The following NEIL2 variants were observed in gnomAD, a reference collection of about 807,000 sequenced individuals.
The protein encoded by NEIL2 is endonuclease 8-like 2.
Under a neutral mutation model 22.2 loss-of-function variants are expected in NEIL2, and 23 were observed. The ratio of observed to expected loss-of-function variants is 1.04; its 90% CI spans 0.75 to 1.47. The LOEUF (loss-of-function observed/expected upper bound fraction) is 1.47, where lower values mean the gene tolerates loss of function less well. Among genes scored for constraint, NEIL2 ranks in the 40% most tolerant of loss-of-function variants. The pLI is 0.00. For synonymous variants in NEIL2, 229 were observed against 164.8 expected (o/e 1.39, Z -2.99); for missense variants, 583 against 404.7 (o/e 1.44, Z -3.78).
At chr8:11,778,003 G>A (rs1427341526) in intron 2 of NEIL2, among the ~76,000 whole-genome samples, 1 of 152,206 alleles carries the variant, frequency 6.6e-6, no homozygotes, top group East Asian at 1.9e-4. Context: ...TTATTCATCT[G>A]TTTGCCCTTG....
chr8:11,770,393 G>A (rs747243002), intron 1 of NEIL2, 58 bp downstream of exon 1: 3 of 152,194 alleles, frequency 2.0e-5, no homozygotes, highest in Admixed American at 2.0e-4. Context: ...GATTCCCTGG[G>A]GAGTGTCTGG....
chr8:11,780,364 G>A (rs1804300339), intron 3 of NEIL2, among the ~76,000 whole-genome samples: 1 of 152,124 alleles, frequency 6.6e-6, no homozygotes, highest in Non-Finnish European at 1.5e-5. Flanking sequence ...CAGATCTTAA[G>A]TATTCAGCTT....
At chr8:11,785,501 A>C (rs8191660) in intron 4 of NEIL2, among the ~76,000 whole-genome samples, 1 of 152,204 alleles carries the variant, frequency 6.6e-6, no homozygotes, top group Admixed American at 6.5e-5. Flanking sequence ...ATTTTAAATA[A>C]TAACAACAGT....
Position 11,771,490 on chromosome 8 carries a change from TC to T in NEIL2, c.48del (p.Phe17LeufsTer42). ...GGTGAGGAAATTTCACCATTTGGTC[TC>T]CCCCTTTGTGGGTCAGCAGGTGGTC... ...PLVRKFHHLV[S>X]PFVGQQVVKT... On this transcript the variant is annotated frameshift_variant, in exon 2 of 5. Transcript: ENST00000284503. LOFTEE classifies it high-confidence loss of function. 1 of 1,613,996 alleles carries T rather than the reference TC, an allele frequency of 6.2e-7. No individual in the cohort carries two copies. Among genetic ancestry groups the T allele is most frequent in the Non-Finnish European group, 8.5e-7 (1 of 1,179,998 alleles).
At chr8:11,784,009 T>G (rs1304160804) in intron 4 of NEIL2, among the ~76,000 whole-genome samples, 3 of 152,142 alleles carry the variant, frequency 2.0e-5, no homozygotes, top group African/African-American at 7.2e-5. Flanking sequence ...ATATAACAGC[T>G]AATTAGCGGG....
At chr8:11,783,932 G>A (rs937121478) in intron 4 of NEIL2, among the ~76,000 whole-genome samples, 3 of 152,260 alleles carry the variant, frequency 2.0e-5, no homozygotes, top group Non-Finnish European at 4.4e-5. Context: ...CTCTATTGCA[G>A]TGGCGTGAGC....
chr8:11,773,318 G>C (rs1215513063), intron 2 of NEIL2, among the ~76,000 whole-genome samples: 8 of 152,238 alleles, frequency 5.3e-5, no homozygotes, highest in South Asian at 4.1e-4. Context: ...AGAAAACCAT[G>C]TTGCAGGGAA....
rs186757254 is a variant in NEIL2, at chr8:11,786,299, C to T, written c.*26C>T. 7,459 of 1,591,760 alleles carry T rather than the reference C, an allele frequency of 4.7e-3. 38 individuals are homozygous for T. The highest frequency in any genetic ancestry group is 9.6e-3 in the South Asian group (862 of 89,468). Reference sequence around the variant, plus strand: ...GGAGCTGGTGGTGCTCCTCACGGAACCTTGCCGCTTGGGGAACCTGACGTC... The same window carrying T: ...GGAGCTGGTGGTGCTCCTCACGGAATCTTGCCGCTTGGGGAACCTGACGTC... On this transcript the variant is annotated 3_prime_UTR_variant, in exon 5 of 5. Transcript: ENST00000284503.
At chr8:11,782,307 C>G (rs1031164875) in intron 3 of NEIL2, among the ~76,000 whole-genome samples, 13 of 152,032 alleles carry the variant, frequency 8.6e-5, no homozygotes. Flanking sequence ...CACCTGTAAT[C>G]CCAGCTACTC....
At position 11,783,369 on chromosome 8, in the gene NEIL2, C is replaced by T; in HGVS notation, c.658C>T (p.Leu220=). 6.2e-7 allele frequency: 1 copy of T among 1,614,202 alleles called. No homozygotes were observed. ...CCAGGCTCAGCCTGTCTGCTATACA[C>T]TGCTGGACCAGAGATACTTCTCAGG... ...LGQAQPVCYT[L]LDQRYFSGLG... Residue 220 remains leucine, a synonymous_variant, in exon 4 of 5, where the codon CTG becomes TTG. Transcript: ENST00000284503.
At chr8:11,770,620 A>C (rs904009) in intron 1 of NEIL2, among the ~76,000 whole-genome samples, 27,084 of 152,182 alleles carry the variant, frequency 0.18, 2,783 homozygotes, top group Middle Eastern at 0.28. Context: ...TTCGATTTTC[A>C]TCATAACTTA....
At chr8:11,773,227 C>T (rs1042357727) in intron 2 of NEIL2, among the ~76,000 whole-genome samples, 1 of 152,148 alleles carries the variant, frequency 6.6e-6, no homozygotes, top group African/African-American at 2.4e-5. Flanking sequence ...GAATATTTCC[C>T]AAGTGGATGG....
chr8:11,782,944 A>G (rs1804560753), intron 3 of NEIL2: 3 of 553,678 alleles, frequency 5.4e-6, no homozygotes, highest in Non-Finnish European at 1.0e-5. Flanking sequence ...ATCCAGCCAC[A>G]GAGTGTCCTC....
chr8:11,777,538 C>T (rs929630824), intron 2 of NEIL2, among the ~76,000 whole-genome samples: 1 of 152,186 alleles, frequency 6.6e-6, no homozygotes, highest in Non-Finnish European at 1.5e-5. Context: ...CTCCCCCTTT[C>T]CTCCCTCCCT....
In NEIL2 at chr8:11,782,318, G is replaced by C. The variant is rs8191630; in HGVS notation, c.492-885G>C. On this transcript the variant is annotated intron_variant, in intron 3 of 4. Coordinates refer to ENST00000284503, the MANE Select transcript of NEIL2 (RefSeq NM_145043.4). Reference sequence around the variant, plus strand: ...TATGCACCTGTAATCCCAGCTACTCGGGAGGCTGAGGCAGGAGAATCGCTT... The same window carrying C: ...TATGCACCTGTAATCCCAGCTACTCCGGAGGCTGAGGCAGGAGAATCGCTT... Among the ~76,000 whole-genome samples the C allele has an allele frequency of 3.3e-5, 5 of 152,170 alleles. No individual in the cohort carries two copies. In the East Asian group the frequency reaches 5.8e-4, roughly 18 times the overall value.
chr8:11,777,141 T>C (rs117621290), intron 2 of NEIL2, among the ~76,000 whole-genome samples: 460 of 151,462 alleles, frequency 3.0e-3, no homozygotes, highest in Non-Finnish European at 5.5e-3. Flanking sequence ...CTACGTCTGC[T>C]TCTACCCACA....
chr8:11,777,012 C>T (rs8191593), intron 2 of NEIL2, among the ~76,000 whole-genome samples: 6,278 of 152,200 alleles, frequency 0.041, 277 homozygotes, highest in East Asian at 0.25. Flanking sequence ...CCACCTCTGC[C>T]TTCAGGTATG....
intron 2 of NEIL2, among the ~76,000 whole-genome samples, chr8:11,778,902 A>G (rs1804142544): frequency 7.7e-6 from 1 of 130,090 alleles, no homozygotes; most frequent in Non-Finnish European, 1.6e-5. Context: ...CAGTGAGCCA[A>G]GATGGTGCCA....
At chr8:11,773,269 G>A (rs777968548) in intron 2 of NEIL2, among the ~76,000 whole-genome samples, 3 of 152,144 alleles carry the variant, frequency 2.0e-5, no homozygotes, top group Admixed American at 6.5e-5. Context: ...GAAGGAACCC[G>A]TAGACGGGAC....
Sources: allele counts gnomAD v4.1 joint callset (sites outside exome capture counted in the v4.1 genomes callset), GRCh38; gene constraint gnomAD v4.1.1; transcripts MANE v1.5; gene names NCBI Gene and HGNC (gene_info 2026-07-23, HGNC 2026-07-21).